NCAPD2: variants seen among roughly 807,000 people sequenced by gnomAD.
The protein encoded by NCAPD2 is condensin complex subunit 1.
NCAPD2 carries 100 observed loss-of-function variants against 164.5 expected under a neutral mutation model. The ratio of observed to expected loss-of-function variants is 0.61; its 90% CI spans 0.52 to 0.72. The LOEUF (loss-of-function observed/expected upper bound fraction) is 0.72, where lower values mean the gene tolerates loss of function less well. NCAPD2 is among the 30% of genes least tolerant of loss of function. The pLI, the probability that NCAPD2 is intolerant of heterozygous loss-of-function variation, is 0.00. For synonymous variants in NCAPD2, 585 were observed against 642.6 expected (o/e 0.91, Z 1.36); for missense variants, 1,560 against 1,749.2 (o/e 0.89, Z 1.93).
In NCAPD2 at chr12:6,522,461, C is replaced by A. The variant is rs564384160; in HGVS notation, c.1955-367C>A. On this transcript the variant is annotated intron_variant, in intron 15 of 31. Coordinates refer to ENST00000315579, the MANE Select transcript of NCAPD2 (RefSeq NM_014865.4). ...ACTAACTGGGCGTGATGGCACGCAC[C>A]TGTAGTTCCAGCTACTCGGAAGGCT... is the stretch of plus-strand genomic sequence containing the variant. Among the ~76,000 whole-genome samples the A allele has an allele frequency of 2.0e-5, 3 of 152,142 alleles. No individual in the cohort carries two copies. The East Asian group carries it at 5.8e-4, about 29-fold the overall frequency.
chr12:6,522,766 G>T, intron 15 of NCAPD2, 62 bp from the exon 16 acceptor site: 1 of 1,568,944 alleles, frequency 6.4e-7, no homozygotes, highest in East Asian at 2.3e-5. Context: ...GAAAGGTTCT[G>T]TCGTTAGGTA....
intron 2 of NCAPD2, among the ~76,000 whole-genome samples, chr12:6,508,345 A>G (rs953882859): frequency 6.6e-6 from 1 of 152,122 alleles, no homozygotes; most frequent in Non-Finnish European, 1.5e-5. Flanking sequence ...TGAAAAAAAC[A>G]AAAAAATGGA....
chr12:6,513,713 G>GTTTTTTTTTTTTTTTTTTTTTT (rs1303520172), intron 6 of NCAPD2, among the ~76,000 whole-genome samples: 3 of 50,120 alleles, frequency 6.0e-5, no homozygotes, highest in African/African-American at 1.1e-4. Flanking sequence ...TGGTGACTTT[G>GTTTTTTTTTTTTTTTTTTTTTT]TCTTTTTTTT....
Position 6,514,582 on chromosome 12 carries a change from T to G in NCAPD2, c.834T>G (p.Ile278Met). 2 of 1,614,164 alleles carry G rather than the reference T, an allele frequency of 1.2e-6. No individual in the cohort carries two copies. Among genetic ancestry groups the G allele is most frequent in the Non-Finnish European group, 1.7e-6 (2 of 1,180,020 alleles). Residue 278 changes from isoleucine (I) to methionine (M), a missense_variant, in exon 8 of 32, where the codon ATT becomes ATG. Physicochemically the swap from Ile to Met is conservative, Grantham distance 10. Transcript: ENST00000315579. ...DYGMKSIVGEIVREIGQKCPQ... is the reference protein window; with the variant it reads ...DYGMKSIVGEMVREIGQKCPQ... ...GAATGAAGAGCATAGTGGGAGAGAT[T>G]GTAAGGTGACTCTTCCTTCTCGAAG...
intron 7 of NCAPD2, 26 bp downstream of exon 7, chr12:6,514,418 C>T: frequency 3.7e-6 from 6 of 1,614,190 alleles, no homozygotes; most frequent in South Asian, 1.1e-5. Context: ...CTTTGCCCCG[C>T]CTTTTTTGTA....
In NCAPD2 at chr12:6,529,006, G is replaced by A; in HGVS notation, c.3539G>A (p.Gly1180Glu). The A allele has an allele frequency of 2.5e-6, 4 of 1,613,268 alleles. No individual in the cohort carries two copies. The South Asian group carries it at 3.3e-5, about 13-fold the overall frequency. Reference protein sequence around the residue: ...IISRLSDPELGVEEEPFHTIM... With the variant: ...IISRLSDPELEVEEEPFHTIM... Reference sequence around the variant, plus strand: ...AGCCGCCTGTCAGACCCCGAGCTGGGGGTGGAGGAAGAGCCTTTCCACACC... The same window carrying A: ...AGCCGCCTGTCAGACCCCGAGCTGGAGGTGGAGGAAGAGCCTTTCCACACC... Residue 1180 changes from glycine to glutamate, a missense_variant, in exon 27 of 32, where the codon GGG (glycine) becomes GAG (glutamate). Physicochemically the swap from Gly to Glu is moderately conservative, Grantham distance 98. Coordinates refer to ENST00000315579, the MANE Select transcript of NCAPD2 (RefSeq NM_014865.4).
Position 6,516,982 on chromosome 12 carries a change from G to T in NCAPD2, c.1142G>T (p.Arg381Leu). 6.2e-7 allele frequency: 1 copy of T among 1,614,052 alleles called. No individual in the cohort carries two copies. The highest frequency in any genetic ancestry group is 8.5e-7 in the Non-Finnish European group (1 of 1,180,016). ...AHGHDVNSFVRSRVLQLFTRI... is the reference protein window; with the variant it reads ...AHGHDVNSFVLSRVLQLFTRI... Reference sequence around the variant, plus strand: ...GGCCATGATGTCAACTCCTTTGTGCGGAGCCGTGTTTTGCAGCTCTTCACC... The same window carrying T: ...GGCCATGATGTCAACTCCTTTGTGCTGAGCCGTGTTTTGCAGCTCTTCACC... The change falls in exon 10 of 32, where the codon CGG becomes CTG. Residue 381 changes from arginine (R) to leucine (L), a missense_variant. Physicochemically the swap from Arg to Leu is moderately radical, Grantham distance 102 (BLOSUM62 -2). Transcript: ENST00000315579.
At chr12:6,518,584 G>A (rs924432606) in intron 13 of NCAPD2, among the ~76,000 whole-genome samples, 1 of 126,456 alleles carries the variant, frequency 7.9e-6, no homozygotes, top group South Asian at 2.6e-4. Flanking sequence ...ACAGTGACAC[G>A]ATCTTGGCTC....
intron 2 of NCAPD2, among the ~76,000 whole-genome samples, chr12:6,502,640 G>A (rs1007664991): frequency 6.6e-6 from 1 of 151,990 alleles, no homozygotes. Flanking sequence ...TCTAACAATA[G>A]GGGAATAGTA....
intron 6 of NCAPD2, among the ~76,000 whole-genome samples, chr12:6,514,021 A>G (rs1347119776): frequency 3.9e-5 from 6 of 152,086 alleles, no homozygotes; most frequent in Non-Finnish European, 7.4e-5. Context: ...GGCCAACTCT[A>G]TCATATTTTT....
chr12:6,523,003 G>A lies in NCAPD2; in HGVS notation c.2129+1G>A. On this transcript the variant is annotated splice_donor_variant, in intron 16 of 31. Coordinates refer to ENST00000315579, the MANE Select transcript of NCAPD2 (RefSeq NM_014865.4). LOFTEE classifies it high-confidence loss of function. ...TCAACCCCAAAGGGGACTCTGCCAG[G>A]TATATGGGGTGCTTTTGCCTTTGCT... 1 of 1,613,906 alleles carries A rather than the reference G, an allele frequency of 6.2e-7. No homozygotes were observed. Among genetic ancestry groups the A allele is most frequent in the African/African-American group, 1.3e-5 (1 of 75,032 alleles).
At chr12:6,520,932 A>T (rs1461028501) in intron 13 of NCAPD2, 54 bp from the exon 14 acceptor site, 1 of 1,610,074 alleles carries the variant, frequency 6.2e-7, no homozygotes, top group Non-Finnish European at 8.5e-7. Context: ...AAGCTCCCTT[A>T]CAAACGGCTG....
intron 2 of NCAPD2, among the ~76,000 whole-genome samples, chr12:6,503,919 A>G (rs1220839889): frequency 3.9e-5 from 6 of 151,986 alleles, no homozygotes; most frequent in Non-Finnish European, 8.8e-5. Context: ...CAGAGGTTGC[A>G]GTGAGCTAAC....
At chr12:6,509,975 GT>G in intron 3 of NCAPD2, 99 bp from the exon 4 acceptor site, 1 of 1,376,562 alleles carries the variant, frequency 7.3e-7, no homozygotes, top group Non-Finnish European at 1.0e-6. Context: ...AATTTCACGT[GT>G]ATTTTTAAAC....
Position 6,513,784 on chromosome 12 carries a change from C to T in NCAPD2, c.588-481C>T, listed in dbSNP as rs560720439. Among the ~76,000 whole-genome samples, 411 of 134,548 alleles carry T rather than the reference C, an allele frequency of 3.1e-3. 3 individuals are homozygous for T. The highest frequency in any genetic ancestry group is 0.011 in the African/African-American group (395 of 35,396). 88.3% of individuals were successfully genotyped at this position (134,548 alleles called of 152,430 possible). On this transcript the variant is annotated intron_variant, in intron 6 of 31. Coordinates refer to ENST00000315579, the MANE Select transcript of NCAPD2 (RefSeq NM_014865.4). The stretch of plus-strand genomic sequence containing the variant: ...GGCCTGGAGTGCAGTGGCATGATAT[C>T]AGCTCACTGCAACCTCCACCTCCCA...
rs371633432 is a variant in NCAPD2, at chr12:6,504,204, T to G, written c.128-5513T>G. Among the ~76,000 whole-genome samples, 62 of 22,616 alleles carry G rather than the reference T, an allele frequency of 2.7e-3. 6 individuals are homozygous for G. Among genetic ancestry groups the G allele is most frequent in the Non-Finnish European group, 3.8e-3 (56 of 14,780 alleles). 14.8% of individuals were successfully genotyped at this position (22,616 alleles called of 152,430 possible). A position where few individuals can be genotyped will look rare whatever the true frequency, so the allele number is the denominator to read the frequency against. ...ATACATATATATATATATATATATA[T>G]ATATATATATATAGATATAGATATA... On this transcript the variant is annotated intron_variant, in intron 2 of 31. Transcript: ENST00000315579.
intron 22 of NCAPD2, 24 bp downstream of exon 22, chr12:6,527,087 C>T: frequency 6.3e-7 from 1 of 1,582,938 alleles, no homozygotes; most frequent in Non-Finnish European, 8.6e-7. Context: ...CTCAGCACTT[C>T]CCAGATTTAT....
chr12:6,495,030 C>A, intron 1 of NCAPD2, 46 bp from the exon 2 acceptor site: 3 of 1,577,304 alleles, frequency 1.9e-6, no homozygotes, highest in Non-Finnish European at 2.6e-6. Flanking sequence ...GATACGAAGA[C>A]AGGTCTTGAA....
chr12:6,497,299 C>CT (rs11382575), intron 2 of NCAPD2, among the ~76,000 whole-genome samples: 122,995 of 148,880 alleles, frequency 0.83, 51,228 homozygotes, highest in East Asian at 0.99. Flanking sequence ...AAATGGTCAC[C>CT]TTTTTTTTTT....
Sources: allele counts gnomAD v4.1 joint callset (sites outside exome capture counted in the v4.1 genomes callset), GRCh38; gene constraint gnomAD v4.1.1; transcripts MANE v1.5; gene names NCBI Gene and HGNC (gene_info 2026-07-23, HGNC 2026-07-21).